Variants in TSG101 observed in about 807,000 individuals in gnomAD.
TSG101 encodes tumor susceptibility gene 101 protein.
Under a neutral mutation model 48.5 loss-of-function variants are expected in TSG101, and 19 were observed. That is an observed-to-expected ratio of 0.39 (90% CI 0.27 to 0.58). The LOEUF (loss-of-function observed/expected upper bound fraction) is 0.58, where lower values mean the gene tolerates loss of function less well. TSG101 is among the 20% of genes least tolerant of loss of function. The pLI, the probability that TSG101 is intolerant of heterozygous loss-of-function variation, is 0.55. For missense variants in TSG101, 365 were observed against 484.4 expected, an observed-to-expected ratio of 0.75 and a Z score of 2.31; for synonymous variants, 174 against 169.4, an observed-to-expected ratio of 1.03 and a Z score of -0.21.
Position 18,480,463 on chromosome 11 carries a change from A to ATAAC in TSG101, c.*79_*82dup, listed in dbSNP as rs1849510800. 1 of 1,036,826 alleles carries ATAAC rather than the reference A, an allele frequency of 9.6e-7. No homozygotes were observed. Among genetic ancestry groups the ATAAC allele is most frequent in the Admixed American group, 2.5e-5 (1 of 39,812 alleles). 64.2% of individuals were successfully genotyped at this position (1,036,826 alleles called of 1,614,324 possible). On this transcript the variant is annotated 3_prime_UTR_variant, in exon 10 of 10. Coordinates refer to ENST00000251968, the MANE Select transcript of TSG101 (RefSeq NM_006292.4). ...TTTTACACTTGAATGATAAACTGCA[A>ATAAC]TAACTTATTCTGGGCACCTACTGAT... is the stretch of plus-strand genomic sequence containing the variant.
intron 7 of TSG101, chr11:18,490,817 G>GC (rs1051920377): frequency 9.4e-5 from 51 of 542,542 alleles, no homozygotes; most frequent in African/African-American, 8.1e-4. Flanking sequence ...GTTCTTGTAG[G>GC]CAACAGAGAG....
At chr11:18,494,634 T>A (rs1377043742) in intron 7 of TSG101, among the ~76,000 whole-genome samples, 2 of 152,234 alleles carry the variant, frequency 1.3e-5, no homozygotes, top group Non-Finnish European at 2.9e-5. Context: ...ACTCACTGAC[T>A]GTCCAGGATT....
chr11:18,526,840 C>T lies in TSG101; in HGVS notation c.-24G>A, dbSNP rs762439860. The T allele has an allele frequency of 1.9e-6, 3 of 1,597,954 alleles. No homozygotes were observed. The highest frequency in any genetic ancestry group is 1.3e-5 in the African/African-American group (1 of 74,868). ...ATGACGGCCGCCTGGCGACTCCCTT[C>T]CCCGCAGGCAGAGGGTCAGCCGCTG... is the stretch of plus-strand genomic sequence containing the variant. On this transcript the variant is annotated 5_prime_UTR_variant, in exon 1 of 10. Coordinates refer to ENST00000251968, the MANE Select transcript of TSG101 (RefSeq NM_006292.4).
Position 18,488,611 on chromosome 11 carries a change from G to C in TSG101, c.641-4539C>G, listed in dbSNP as rs1264842039. Among the ~76,000 whole-genome samples the C allele has an allele frequency of 3.3e-5, 5 of 152,112 alleles. No homozygotes were observed. In the South Asian group the frequency reaches 1.0e-3, roughly 31 times the overall value. On this transcript the variant is annotated intron_variant, in intron 7 of 9. Coordinates refer to ENST00000251968, the MANE Select transcript of TSG101 (RefSeq NM_006292.4). ...AAGAGCAACACCGTGTTGAGAACTG[G>C]AGGAAGACAGAGCTCTGGTGCTAGA...
In TSG101 at chr11:18,509,661, T is replaced by C. The variant is rs1423986962; in HGVS notation, c.362A>G (p.Gln121Arg). 3 of 1,584,622 alleles carry C rather than the reference T, an allele frequency of 1.9e-6. No homozygotes were observed. The highest frequency in any genetic ancestry group is 3.5e-5 in the Admixed American group (2 of 56,582). ...LPYLHEWKHPQSDLLGLIQVM... is the reference protein window; with the variant it reads ...LPYLHEWKHPRSDLLGLIQVM... ...CTGAATAAGCCCCAACAAGTCTGAC[T>C]GTGGCTACAAAATGAAAAAAAATTC... The change falls in exon 5 of 10, where the codon CAG (glutamine) becomes CGG (arginine). Residue 121 changes from glutamine to arginine, a missense_variant. Coordinates refer to ENST00000251968, the MANE Select transcript of TSG101 (RefSeq NM_006292.4).
At chr11:18,509,815 T>A in intron 4 of TSG101, 150 bp from the exon 5 acceptor site, 2 of 874,440 alleles carry the variant, frequency 2.3e-6, no homozygotes, top group Non-Finnish European at 3.2e-6. Flanking sequence ...TAATTTATTT[T>A]AATAGAGTTA....
At chr11:18,524,569 C>T (rs2133936561) in intron 1 of TSG101, among the ~76,000 whole-genome samples, 1 of 152,344 alleles carries the variant, frequency 6.6e-6, no homozygotes, top group East Asian at 1.9e-4. Context: ...TCTTACCTGT[C>T]TAAAATTCAT....
intron 9 of TSG101, 71 bp downstream of exon 9, chr11:18,481,552 CTCTTGGT>C: frequency 6.5e-7 from 1 of 1,541,140 alleles, no homozygotes; most frequent in Non-Finnish European, 8.7e-7. Context: ...CAAAGAAACT[CTCTTGGT>C]TTGTGGTTTG....
Position 18,502,595 on chromosome 11 carries a change from AAACATTT to A in TSG101, c.549-25_549-19del, listed in dbSNP as rs770117300. On this transcript the variant is annotated intron_variant, in intron 6 of 9. Coordinates refer to ENST00000251968, the MANE Select transcript of TSG101 (RefSeq NM_006292.4). ...GGTAACCACTAAAGACAAGAACAAA[AAACATTT>A]AACATTTAAGATGACCCAACCTTAT... is the stretch of plus-strand genomic sequence containing the variant. 1 of 1,591,936 alleles carries A rather than the reference AAACATTT, an allele frequency of 6.3e-7. No homozygotes were observed. The highest frequency in any genetic ancestry group is 1.3e-5 in the African/African-American group (1 of 74,564).
chr11:18,520,644 TCA>T (rs1449334487), intron 1 of TSG101, among the ~76,000 whole-genome samples: 1 of 152,240 alleles, frequency 6.6e-6, no homozygotes, highest in African/African-American at 2.4e-5. Context: ...ACAGAGGCTC[TCA>T]CAGTTTGGAA....
At chr11:18,481,298 TCTCAATTTAGGTGGTATGAC>T in intron 9 of TSG101, 1 of 985,406 alleles carries the variant, frequency 1.0e-6, no homozygotes, top group Non-Finnish European at 1.2e-6. Context: ...CAATCAGTGA[TCTCAATTTAGGTGGTATGAC>T]CTCAAAGAAC....
At chr11:18,509,132 T>C (rs1029949702) in intron 5 of TSG101, among the ~76,000 whole-genome samples, 5 of 152,226 alleles carry the variant, frequency 3.3e-5, no homozygotes, top group African/African-American at 1.2e-4. Flanking sequence ...TAGCTGAATG[T>C]GAACGCTTCA....
intron 8 of TSG101, 64 bp downstream of exon 8, chr11:18,483,806 A>C: frequency 1.3e-6 from 2 of 1,561,424 alleles, no homozygotes; most frequent in African/African-American, 1.4e-5. Context: ...CAGGGAACAT[A>C]TAGAACACTC....
At chr11:18,521,201 C>T (rs1850267096) in intron 1 of TSG101, among the ~76,000 whole-genome samples, 1 of 151,980 alleles carries the variant, frequency 6.6e-6, no homozygotes. Context: ...CAAATCCACT[C>T]CAATTAGGCT....
At chr11:18,499,664 G>C (rs973965345) in intron 7 of TSG101, among the ~76,000 whole-genome samples, 2 of 151,018 alleles carry the variant, frequency 1.3e-5, no homozygotes, top group African/African-American at 4.9e-5. Flanking sequence ...GCCCGCCTTG[G>C]CCTCCCAAAG....
intron 1 of TSG101, among the ~76,000 whole-genome samples, chr11:18,521,662 GCCCCTT>G (rs1190376577): frequency 7.1e-6 from 1 of 141,304 alleles, no homozygotes; most frequent in Non-Finnish European, 1.5e-5. Context: ...ACTGCACCTG[GCCCCTT>G]CCTTTTTTTT....
intron 1 of TSG101, among the ~76,000 whole-genome samples, chr11:18,521,569 A>G (rs891533008): frequency 6.8e-6 from 1 of 146,854 alleles, no homozygotes; most frequent in African/African-American, 2.5e-5. Context: ...GGATCTCACT[A>G]TGTTGCCCAA....
At chr11:18,504,527 T>C (rs1414387301) in intron 6 of TSG101, among the ~76,000 whole-genome samples, 1 of 152,210 alleles carries the variant, frequency 6.6e-6, no homozygotes, top group Non-Finnish European at 1.5e-5. Flanking sequence ...CATGCTATAA[T>C]GCTGTAAAGA....
intron 1 of TSG101, chr11:18,525,625 A>G (rs1466262315): frequency 5.2e-6 from 5 of 956,998 alleles, no homozygotes; most frequent in East Asian, 1.2e-4. Context: ...TTTTTTTCAA[A>G]AAGTGATATA....
Sources: allele counts gnomAD v4.1 joint callset (sites outside exome capture counted in the v4.1 genomes callset), GRCh38; gene constraint gnomAD v4.1.1; transcripts MANE v1.5; gene names NCBI Gene and HGNC (gene_info 2026-07-23, HGNC 2026-07-21).